TAF1B: variants seen among roughly 807,000 people sequenced by gnomAD.
The protein encoded by TAF1B is TATA-box binding protein associated factor, RNA polymerase I subunit B, also known as TATA box-binding protein-associated factor RNA polymerase I subunit B.
In TAF1B, 61 loss-of-function variants were observed where a neutral mutation model predicts 83.9. The observed-to-expected ratio is 0.73, with a 90% confidence interval of 0.59 to 0.90. TAF1B has a LOEUF of 0.90. Among genes scored for constraint, TAF1B ranks in the 40% least tolerant of loss-of-function variants. The probability of loss-of-function intolerance (pLI) is 0.00; values close to 1 mark genes in which losing one functional copy is unlikely to be tolerated. For missense variants in TAF1B, 625 were observed against 677.0 expected, an observed-to-expected ratio of 0.92 and a Z score of 0.85; for synonymous variants, 221 against 224.6, an observed-to-expected ratio of 0.98 and a Z score of 0.14.
chr2:9,934,096 T>A lies in TAF1B; in HGVS notation c.*112T>A. Reference sequence around the variant, plus strand: ...AAATACTGCATATATATGTATAGACTCTGACACATATTTACATATATATCA... The same window carrying A: ...AAATACTGCATATATATGTATAGACACTGACACATATTTACATATATATCA... On this transcript the variant is annotated 3_prime_UTR_variant, in exon 15 of 15. Transcript: ENST00000263663. The A allele has an allele frequency of 2.4e-6, 2 of 829,526 alleles. No homozygotes were observed. The highest frequency in any genetic ancestry group is 3.7e-6 in the Non-Finnish European group (2 of 540,778). 51.4% of individuals were successfully genotyped at this position (829,526 alleles called of 1,614,324 possible).
chr2:9,926,079 CTG>C (rs1666024784), intron 14 of TAF1B, among the ~76,000 whole-genome samples: 1 of 152,124 alleles, frequency 6.6e-6, no homozygotes. Flanking sequence ...ATCTCAGCAA[CTG>C]TGACATGGCA....
intron 14 of TAF1B, among the ~76,000 whole-genome samples, chr2:9,926,943 A>G (rs1666060131): frequency 6.6e-6 from 1 of 151,958 alleles, no homozygotes; most frequent in African/African-American, 2.4e-5. Context: ...TTACATAGAT[A>G]CATGTGCCAT....
rs1199989078 is a variant in TAF1B, at chr2:9,919,960, G to T, written c.1565+140G>T. The T allele has an allele frequency of 7.7e-6, 6 of 777,174 alleles. No homozygotes were observed. The Admixed American group carries it at 1.1e-4, about 15-fold the overall frequency. The allele number at this position is 777,174 out of a possible 1,614,324, so 48.1% of individuals were successfully genotyped here. ...ATTATACATTGAGTCTTGTGTAGGA[G>T]TTCTAGGAAAGCTGGTAAAAATCAA... is the stretch of plus-strand genomic sequence containing the variant. On this transcript the variant is annotated intron_variant, in intron 14 of 14. Coordinates refer to ENST00000263663, the MANE Select transcript of TAF1B (RefSeq NM_005680.3).
chr2:9,927,960 T>A (rs1250685107), intron 14 of TAF1B, among the ~76,000 whole-genome samples: 1 of 152,134 alleles, frequency 6.6e-6, no homozygotes, highest in Non-Finnish European at 1.5e-5. Context: ...CTGAATGGTA[T>A]TGCCTAGGTT....
chr2:9,860,763 G>A (rs965717532), intron 5 of TAF1B, among the ~76,000 whole-genome samples: 4 of 152,208 alleles, frequency 2.6e-5, no homozygotes, highest in African/African-American at 9.7e-5. Flanking sequence ...CTGTCACTAG[G>A]TCAAGAAGGA....
intron 8 of TAF1B, among the ~76,000 whole-genome samples, chr2:9,888,790 GTTTTTTTTTTTT>G (rs56125595): frequency 6.1e-5 from 5 of 81,662 alleles, no homozygotes; most frequent in East Asian, 3.1e-4. Flanking sequence ...CTTCTGCTTG[GTTTTTTTTTTTT>G]TTTTTTTTTT....
chr2:9,916,161 G>T (rs1196486503), intron 12 of TAF1B, among the ~76,000 whole-genome samples: 1 of 152,194 alleles, frequency 6.6e-6, no homozygotes, highest in African/African-American at 2.4e-5. Context: ...GTATGTGTTT[G>T]TCAGTGCTAG....
At chr2:9,874,380 C>G (rs1476018262) in intron 6 of TAF1B, among the ~76,000 whole-genome samples, 1 of 152,148 alleles carries the variant, frequency 6.6e-6, no homozygotes, top group East Asian at 1.9e-4. Context: ...TCTTCCCTTC[C>G]CATCACTTAC....
intron 14 of TAF1B, among the ~76,000 whole-genome samples, chr2:9,933,220 G>A (rs1227994852): frequency 6.6e-6 from 1 of 152,200 alleles, no homozygotes; most frequent in Non-Finnish European, 1.5e-5. Flanking sequence ...TGGAAATGCA[G>A]AAATCACCCG....
chr2:9,926,168 AT>A (rs1411161614), intron 14 of TAF1B, among the ~76,000 whole-genome samples: 1 of 152,130 alleles, frequency 6.6e-6, no homozygotes, highest in African/African-American at 2.4e-5. Flanking sequence ...CAAACATCAT[AT>A]TTTTTAAAGT....
chr2:9,888,045 G>A (rs183784171), intron 8 of TAF1B, among the ~76,000 whole-genome samples: 114 of 152,092 alleles, frequency 7.5e-4, no homozygotes, highest in African/African-American at 2.6e-3. Context: ...TTTTAGAGAC[G>A]TGGTCTTGCA....
At chr2:9,926,128 C>T (rs989070717) in intron 14 of TAF1B, among the ~76,000 whole-genome samples, 5 of 152,126 alleles carry the variant, frequency 3.3e-5, no homozygotes, top group Admixed American at 2.0e-4. Context: ...TACTCTACCC[C>T]TCTGCCCCCC....
intron 8 of TAF1B, among the ~76,000 whole-genome samples, chr2:9,902,227 CT>C (rs35648389): frequency 0.58 from 83,259 of 144,142 alleles, 23,471 homozygotes; most frequent in Admixed American, 0.67. Flanking sequence ...ATATATGAAG[CT>C]TTTTTTTTTT....
intron 2 of TAF1B, chr2:9,846,022 G>C (rs781018570): frequency 1.1e-5 from 5 of 467,914 alleles, no homozygotes; most frequent in Non-Finnish European, 2.2e-5. Context: ...GGGAATATTG[G>C]AATTATTCTT....
At chr2:9,879,262 G>A (rs1167712727) in intron 7 of TAF1B, among the ~76,000 whole-genome samples, 2 of 152,192 alleles carry the variant, frequency 1.3e-5, no homozygotes, top group Non-Finnish European at 2.9e-5. Context: ...CTTTGAGGCT[G>A]TTATTAAGTA....
chr2:9,902,126 A>G (rs34584243), intron 8 of TAF1B, among the ~76,000 whole-genome samples: 2 of 152,306 alleles, frequency 1.3e-5, no homozygotes, highest in South Asian at 4.1e-4. Context: ...CTAAAAATTA[A>G]CAGTGTAATT....
intron 7 of TAF1B, among the ~76,000 whole-genome samples, chr2:9,881,088 CTG>C (rs1274847165): frequency 5.9e-5 from 9 of 152,042 alleles, no homozygotes; most frequent in Admixed American, 5.9e-4. Context: ...AATTCCAGCA[CTG>C]TGGGAGGCTA....
chr2:9,883,444 G>A (rs562407696), intron 8 of TAF1B, among the ~76,000 whole-genome samples: 28 of 152,134 alleles, frequency 1.8e-4, no homozygotes, highest in Non-Finnish European at 3.1e-4. Context: ...CATTGTTGGC[G>A]GTGTAAGAGT....
At chr2:9,921,299 C>T (rs1665871925) in intron 14 of TAF1B, among the ~76,000 whole-genome samples, 1 of 152,028 alleles carries the variant, frequency 6.6e-6, no homozygotes. Flanking sequence ...CCTATGCTGC[C>T]CAGGTTGGTC....
Sources: allele counts gnomAD v4.1 joint callset (sites outside exome capture counted in the v4.1 genomes callset), GRCh38; gene constraint gnomAD v4.1.1; transcripts MANE v1.5; gene names NCBI Gene and HGNC (gene_info 2026-07-23, HGNC 2026-07-21).